Variants in AKT2 observed in about 807,000 individuals in gnomAD.
The protein encoded by AKT2 is RAC-beta serine/threonine-protein kinase.
AKT2 carries 16 observed loss-of-function variants against 58.6 expected under a neutral mutation model. The observed-to-expected ratio is 0.27, with a 90% CI of 0.18 to 0.41. The LOEUF (loss-of-function observed/expected upper bound fraction) is 0.41. Among genes scored for constraint, AKT2 ranks in the 10% least tolerant of loss-of-function variants. The probability of loss-of-function intolerance (pLI) is 1.00; values close to 1 mark genes in which losing one functional copy is unlikely to be tolerated. For synonymous variants in AKT2, 253 were observed against 254.0 expected (o/e 1.00, Z 0.04); for missense variants, 438 against 661.0 (o/e 0.66, Z 3.70).
At chr19:40,264,701 C>G (rs1404241544) in intron 2 of AKT2, among the ~76,000 whole-genome samples, 3 of 152,090 alleles carry the variant, frequency 2.0e-5, no homozygotes, top group Non-Finnish European at 4.4e-5. Flanking sequence ...CTCCTCCGGG[C>G]AGCCTCTTGA....
intron 1 of AKT2, chr19:40,270,660 A>G (rs1456429163): frequency 6.6e-6 from 1 of 152,060 alleles, no homozygotes; most frequent in Non-Finnish European, 1.5e-5. Flanking sequence ...TGTCGCCTGC[A>G]CTCAGATCTG....
intron 2 of AKT2, among the ~76,000 whole-genome samples, 182 bp from the exon 3 acceptor site, chr19:40,257,236 G>A (rs1191704216): frequency 6.6e-6 from 1 of 152,228 alleles, no homozygotes; most frequent in Non-Finnish European, 1.5e-5. Flanking sequence ...GCTGACGCAG[G>A]CTGGGGCACT....
Position 40,230,529 on chromosome 19 carries a change from C to G in AKT2, c.*3343G>C, listed in dbSNP as rs1973651091. ...CACAACCATCAGTGCACGAGGGCAGCCCCCAGAGGCTTCACATTAACTGGA... is the reference window on the plus strand; with the variant it reads ...CACAACCATCAGTGCACGAGGGCAGGCCCCAGAGGCTTCACATTAACTGGA... On this transcript the variant is annotated 3_prime_UTR_variant, in exon 14 of 14. Coordinates refer to ENST00000392038, the MANE Select transcript of AKT2 (RefSeq NM_001626.6). 1 of 227,098 alleles carries G rather than the reference C, an allele frequency of 4.4e-6. No homozygotes were observed. Among genetic ancestry groups the G allele is most frequent in the Non-Finnish European group, 8.8e-6 (1 of 114,280 alleles). 14.1% of individuals were successfully genotyped at this position (227,098 alleles called of 1,614,324 possible). A position where few individuals can be genotyped will look rare whatever the true frequency, so the allele number is the denominator to read the frequency against.
rs751198269 is a variant in AKT2, at chr19:40,257,062, G to A, written c.47-8C>T. On this transcript the variant is annotated splice_polypyrimidine_tract_variant and splice_region_variant and intron_variant, in intron 2 of 13. Coordinates refer to ENST00000392038, the MANE Select transcript of AKT2 (RefSeq NM_001626.6). Reference sequence around the variant, plus strand: ...AGGTCTTGATGTATTCACCTGAAATGAGGCAGGAAGGGAGGGAGAGAGGTT... The same window carrying A: ...AGGTCTTGATGTATTCACCTGAAATAAGGCAGGAAGGGAGGGAGAGAGGTT... 1 of 1,614,034 alleles carries A rather than the reference G, an allele frequency of 6.2e-7. No homozygotes were observed. The highest frequency in any genetic ancestry group is 1.7e-5 in the Admixed American group (1 of 60,030).
chr19:40,239,017 G>A (rs780841488), intron 7 of AKT2, 44 bp from the exon 8 acceptor site: 2 of 1,589,432 alleles, frequency 1.3e-6, no homozygotes, highest in Admixed American at 1.7e-5. Context: ...AGGGAGGAGG[G>A]CTCTGCTGAG....
chr19:40,249,990 G>A (rs1022043310), intron 4 of AKT2, among the ~76,000 whole-genome samples: 5 of 152,124 alleles, frequency 3.3e-5, no homozygotes, highest in Admixed American at 1.3e-4. Flanking sequence ...AGACAAACGC[G>A]ACAGCAAGCG....
At chr19:40,254,773 T>C (rs1975416435) in intron 4 of AKT2, among the ~76,000 whole-genome samples, 1 of 151,546 alleles carries the variant, frequency 6.6e-6, no homozygotes, top group Admixed American at 6.6e-5. Flanking sequence ...AGGTTGGAGG[T>C]TGCAGTGAGC....
intron 2 of AKT2, among the ~76,000 whole-genome samples, chr19:40,263,089 T>A (rs1424800101): frequency 1.3e-5 from 2 of 152,206 alleles, no homozygotes; most frequent in South Asian, 2.1e-4. Flanking sequence ...TGGCCCCTTG[T>A]AACATGAATG....
At chr19:40,260,364 G>T (rs1354828018) in intron 2 of AKT2, among the ~76,000 whole-genome samples, 2 of 151,982 alleles carry the variant, frequency 1.3e-5, no homozygotes, top group Non-Finnish European at 2.9e-5. Context: ...GGGCTTGGTG[G>T]CTCACGCCTG....
chr19:40,253,089 T>C (rs930625292), intron 4 of AKT2, among the ~76,000 whole-genome samples: 1 of 152,208 alleles, frequency 6.6e-6, no homozygotes, highest in African/African-American at 2.4e-5. Flanking sequence ...ATGTGGCTCT[T>C]TAAATCAATT....
intron 1 of AKT2, chr19:40,283,049 A>G (rs1307606190): frequency 6.4e-6 from 1 of 155,110 alleles, no homozygotes; most frequent in Non-Finnish European, 1.4e-5. Context: ...GCCTAACCAC[A>G]GGTATGTTTT....
At position 40,238,105 on chromosome 19, in the gene AKT2, G is replaced by A. The variant is rs17846833; in HGVS notation, c.709-14C>T. 90 of 1,587,098 alleles carry A rather than the reference G, an allele frequency of 5.7e-5. No homozygotes were observed. The East Asian group carries it at 1.9e-3, about 33-fold the overall frequency. On this transcript the variant is annotated splice_polypyrimidine_tract_variant and intron_variant, in intron 8 of 13. Transcript: ENST00000392038. The surrounding 1 kb of genome is among the most constrained non-coding windows in gnomAD (Gnocchi z 5.1). ...GTGGAAGAACAGCTGCAGGAGGAAG[G>A]GGTGGGGAGAGGAGGTCAGGCCCCA... is the stretch of plus-strand genomic sequence containing the variant.
intron 4 of AKT2, among the ~76,000 whole-genome samples, chr19:40,249,354 G>A (rs1368004196): frequency 6.6e-6 from 1 of 152,170 alleles, no homozygotes; most frequent in East Asian, 1.9e-4. Context: ...AAGCTGCCAT[G>A]GGCAGGCCCT....
intron 1 of AKT2, among the ~76,000 whole-genome samples, chr19:40,275,778 G>GGGGGGGGGGGGGGGGGA (rs57322271): frequency 1.8e-5 from 1 of 55,764 alleles, no homozygotes. Flanking sequence ...GGGGGGGGGG[G>GGGGGGGGGGGGGGGGGA]TGGGCGGGGG....
At chr19:40,275,216 T>C (rs772845577) in intron 1 of AKT2, 2 of 456,788 alleles carry the variant, frequency 4.4e-6, no homozygotes. Flanking sequence ...CCACCTCCCA[T>C]CTTGTGTCGC....
In AKT2 at chr19:40,233,811, G is replaced by C. The variant is rs1193491359; in HGVS notation, c.*61C>G. 6.4e-7 allele frequency: 1 copy of C among 1,552,654 alleles called. No individual in the cohort carries two copies. The highest frequency in any genetic ancestry group is 8.8e-7 in the Non-Finnish European group (1 of 1,136,340). ...CCAAAAAGGCTAAGTAAAAAGTTAGGGGGAAAAAACCACCCAGCGGTGATG... is the reference window on the plus strand; with the variant it reads ...CCAAAAAGGCTAAGTAAAAAGTTAGCGGGAAAAAACCACCCAGCGGTGATG... On this transcript the variant is annotated 3_prime_UTR_variant, in exon 14 of 14. Transcript: ENST00000392038. The surrounding 1 kb of genome is among the most constrained non-coding windows in gnomAD (Gnocchi z 4.3).
intron 7 of AKT2, 90 bp from the exon 8 acceptor site, chr19:40,239,063 G>GCA: frequency 7.4e-6 from 10 of 1,353,394 alleles, no homozygotes; most frequent in Middle Eastern, 3.9e-4. Flanking sequence ...TGCTTATTCT[G>GCA]CACACACACA....
Position 40,233,061 on chromosome 19 carries a change from G to A in AKT2, c.*811C>T. On this transcript the variant is annotated 3_prime_UTR_variant, in exon 14 of 14. Coordinates refer to ENST00000392038, the MANE Select transcript of AKT2 (RefSeq NM_001626.6). This position sits in a 1 kb window ranked among gnomAD's most constrained non-coding sequence, Gnocchi z 4.3. ...TGAGCCCAGCCCATAGCCCCCAGTG[G>A]GGCCAGGCCAGGCCCAGGGTCCAGC... 1 of 236,152 alleles carries A rather than the reference G, an allele frequency of 4.2e-6. No individual in the cohort carries two copies. The highest frequency in any genetic ancestry group is 8.3e-6 in the Non-Finnish European group (1 of 120,170). The allele number at this position is 236,152 out of a possible 1,614,324, so 14.6% of individuals were successfully genotyped here. A position where few individuals can be genotyped will look rare whatever the true frequency, so the allele number is the denominator to read the frequency against.
Position 40,233,793 on chromosome 19 carries a change from G to T in AKT2, c.*79C>A. On this transcript the variant is annotated 3_prime_UTR_variant, in exon 14 of 14. Transcript: ENST00000392038. This position sits in a 1 kb window ranked among gnomAD's most constrained non-coding sequence, Gnocchi z 4.3. ...TGGGGGTGGGGACACAAACCAAAAA[G>T]GCTAAGTAAAAAGTTAGGGGGAAAA... The T allele has an allele frequency of 6.9e-7, 1 of 1,450,908 alleles. No individual in the cohort carries two copies. Among genetic ancestry groups the T allele is most frequent in the Non-Finnish European group, 9.5e-7 (1 of 1,047,276 alleles). The allele number at this position is 1,450,908 out of a possible 1,614,324, so 89.9% of individuals were successfully genotyped here.
Sources: allele counts gnomAD v4.1 joint callset (sites outside exome capture counted in the v4.1 genomes callset), GRCh38; gene constraint gnomAD v4.1.1; non-coding constraint Gnocchi (gnomAD v3.1); transcripts MANE v1.5; gene names NCBI Gene and HGNC (gene_info 2026-07-23, HGNC 2026-07-21).